DNMT3B: variants seen among roughly 807,000 people sequenced by gnomAD.
The protein encoded by DNMT3B is DNA (cytosine-5)-methyltransferase 3B.
In DNMT3B, 37 loss-of-function variants were observed where a neutral mutation model predicts 120.2. The ratio of observed to expected loss-of-function variants is 0.31; its 90% CI spans 0.24 to 0.40. The LOEUF is 0.40. Among genes scored for constraint, DNMT3B ranks in the 10% least tolerant of loss-of-function variants. The pLI, the probability that DNMT3B is intolerant of heterozygous loss-of-function variation, is 1.00. For synonymous variants in DNMT3B, 412 were observed against 442.8 expected (o/e 0.93, Z 0.87); for missense variants, 878 against 1,137.3 (o/e 0.77, Z 3.28).
intron 1 of DNMT3B, among the ~76,000 whole-genome samples, chr20:32,771,570 G>A (rs1987743804): frequency 6.6e-6 from 1 of 150,462 alleles, no homozygotes; most frequent in African/African-American, 2.5e-5. Context: ...GGAGGTGGAG[G>A]GGTTACAGTG....
intron 1 of DNMT3B, among the ~76,000 whole-genome samples, chr20:32,772,976 C>A (rs997661842): frequency 6.6e-6 from 1 of 151,414 alleles, no homozygotes. Flanking sequence ...TGTGCCACCA[C>A]CCCGGCTAAT....
intron 3 of DNMT3B, 149 bp downstream of exon 3, chr20:32,781,563 T>A (rs1326113846): frequency 7.2e-6 from 6 of 831,904 alleles, no homozygotes; most frequent in African/African-American, 1.7e-5. Context: ...TTGGCATTAT[T>A]TTTTCAATCT....
At chr20:32,782,081 A>G (rs952107541) in intron 3 of DNMT3B, among the ~76,000 whole-genome samples, 7 of 152,218 alleles carry the variant, frequency 4.6e-5, no homozygotes, top group Admixed American at 3.3e-4. Flanking sequence ...GTAAGAACAA[A>G]TCTTCCAGCC....
Position 32,806,540 on chromosome 20 carries a change from C to T in DNMT3B, c.2420+213C>T, listed in dbSNP as rs73260147. ...TGGTGAGGAATCTGAGACATGAGGT[C>T]ATTAGGCCACACCATCTGTCTGTTG... is the stretch of plus-strand genomic sequence containing the variant. On this transcript the variant is annotated intron_variant, in intron 22 of 22. Transcript: ENST00000328111. Among the ~76,000 whole-genome samples, 994 of 152,324 alleles carry T rather than the reference C, an allele frequency of 6.5e-3. 12 individuals carry two copies. The highest frequency in any genetic ancestry group is 0.023 in the African/African-American group (960 of 41,576).
chr20:32,782,581 C>T (rs1978755276), intron 3 of DNMT3B, among the ~76,000 whole-genome samples: 1 of 152,112 alleles, frequency 6.6e-6, no homozygotes, highest in East Asian at 1.9e-4. Context: ...ACAGATTAAC[C>T]CTGAATAGAG....
intron 1 of DNMT3B, among the ~76,000 whole-genome samples, chr20:32,774,700 G>A (rs1200918025): frequency 6.6e-6 from 1 of 151,488 alleles, no homozygotes; most frequent in East Asian, 1.9e-4. Context: ...CCCATGTCTT[G>A]TCTTGTCTTG....
intron 4 of DNMT3B, 88 bp from the exon 5 acceptor site, chr20:32,786,414 G>A: frequency 6.3e-7 from 1 of 1,597,904 alleles, no homozygotes; most frequent in Admixed American, 1.7e-5. Flanking sequence ...GGTCTCCTTG[G>A]CCACCTGAAG....
chr20:32,766,717 A>G (rs980699359), intron 1 of DNMT3B, among the ~76,000 whole-genome samples: 3 of 151,266 alleles, frequency 2.0e-5, no homozygotes, highest in Admixed American at 6.6e-5. Context: ...CTTCCCGAGT[A>G]GCTGAGACTA....
intron 7 of DNMT3B, among the ~76,000 whole-genome samples, chr20:32,789,237 TTA>T (rs1979682345): frequency 2.0e-5 from 3 of 152,306 alleles, no homozygotes; most frequent in African/African-American, 7.2e-5. Flanking sequence ...CAGTTGGATT[TTA>T]TGTTATTTCT....
chr20:32,777,616 C>T (rs1056626437), intron 1 of DNMT3B, among the ~76,000 whole-genome samples: 5 of 152,190 alleles, frequency 3.3e-5, no homozygotes, highest in African/African-American at 1.2e-4. Context: ...CCTGGAGACA[C>T]CAGGTACACC....
chr20:32,786,811 G>A (rs986764744), intron 5 of DNMT3B, among the ~76,000 whole-genome samples, 184 bp downstream of exon 5: 1 of 152,088 alleles, frequency 6.6e-6, no homozygotes, highest in East Asian at 1.9e-4. Context: ...CTTCTCTCCT[G>A]GTCTGATCTC....
chr20:32,771,215 A>G (rs1987716465), intron 1 of DNMT3B, among the ~76,000 whole-genome samples: 1 of 152,244 alleles, frequency 6.6e-6, no homozygotes, highest in South Asian at 2.1e-4. Flanking sequence ...ATCTGTTGGT[A>G]GAAGAACTAA....
intron 1 of DNMT3B, among the ~76,000 whole-genome samples, chr20:32,776,855 G>A (rs930822495): frequency 2.6e-5 from 4 of 152,024 alleles, no homozygotes; most frequent in South Asian, 4.1e-4. Context: ...GGTGTAGGGA[G>A]TTGGGGAGGG....
chr20:32,786,420 T>C, intron 4 of DNMT3B, 82 bp from the exon 5 acceptor site: 1 of 1,604,252 alleles, frequency 6.2e-7, no homozygotes, highest in South Asian at 1.1e-5. Flanking sequence ...CTTGGCCACC[T>C]GAAGGCCTAA....
chr20:32,790,503 T>A (rs1330619669), intron 7 of DNMT3B, among the ~76,000 whole-genome samples: 2 of 149,582 alleles, frequency 1.3e-5, no homozygotes, highest in African/African-American at 4.9e-5. Flanking sequence ...TATTGGGCGC[T>A]GGAACCAGCA....
chr20:32,802,321 AG>A, intron 19 of DNMT3B, 63 bp from the exon 20 acceptor site: 1 of 1,546,870 alleles, frequency 6.5e-7, no homozygotes, highest in Non-Finnish European at 8.9e-7. Context: ...TCACCTGCAA[AG>A]GTCTGGTTGA....
At chr20:32,775,391 G>A (rs1362545884) in intron 1 of DNMT3B, among the ~76,000 whole-genome samples, 1 of 152,210 alleles carries the variant, frequency 6.6e-6, no homozygotes, top group African/African-American at 2.4e-5. Flanking sequence ...GAGGAAGTGA[G>A]TGACATCAGT....
At chr20:32,771,743 T>C (rs1306686621) in intron 1 of DNMT3B, among the ~76,000 whole-genome samples, 1 of 151,936 alleles carries the variant, frequency 6.6e-6, no homozygotes. Context: ...AGAGTTGGGA[T>C]GTATTCATAG....
intron 8 of DNMT3B, 28 bp downstream of exon 8, chr20:32,791,736 A>G (rs1454816645): frequency 6.2e-7 from 1 of 1,608,610 alleles, no homozygotes; most frequent in Non-Finnish European, 8.5e-7. Flanking sequence ...AATGAGGGCT[A>G]AGCCCTGAGA....
Sources: gnomAD v4.1 joint callset for allele counts (sites outside exome capture counted in the v4.1 genomes callset) on GRCh38, gnomAD v4.1.1 for gene constraint, MANE v1.5 for transcripts, NCBI Gene and HGNC (gene_info 2026-07-23, HGNC 2026-07-21) for gene names.